The following ABCA13 variants were observed in gnomAD, a reference collection of about 807,000 sequenced individuals.
The protein encoded by ABCA13 is ATP-binding cassette sub-family A member 13.
In ABCA13, 476 loss-of-function variants were observed where a neutral mutation model predicts 478.7. The observed-to-expected ratio is 0.99, with a 90% CI of 0.92 to 1.07. The LOEUF is 1.07. Ranked by LOEUF, ABCA13 falls within the 50% of genes least tolerant of loss-of-function variation. The pLI is 0.00. For missense variants in ABCA13, 6,060 were observed against 5,910.6 expected, an observed-to-expected ratio of 1.03 and a Z score of -0.83; for synonymous variants, 2,252 against 2,158.9, an observed-to-expected ratio of 1.04 and a Z score of -1.20.
chr7:48,386,157 C>G (rs1225563023), intron 35 of ABCA13, among the ~76,000 whole-genome samples: 4 of 152,104 alleles, frequency 2.6e-5, no homozygotes, highest in African/African-American at 9.7e-5. Flanking sequence ...CATACACACA[C>G]AAAATATCTA....
At chr7:48,615,635 G>A (rs556622520) in intron 59 of ABCA13, among the ~76,000 whole-genome samples, 2 of 152,260 alleles carry the variant, frequency 1.3e-5, no homozygotes, top group East Asian at 3.9e-4. Context: ...CTCCCTCCTT[G>A]TAGTGACATT....
chr7:48,459,412 T>A (rs930484017), intron 43 of ABCA13, among the ~76,000 whole-genome samples: 1 of 152,120 alleles, frequency 6.6e-6, no homozygotes, highest in African/African-American at 2.4e-5. Context: ...TGTTGCTGCA[T>A]CTCTCCCTGT....
rs117831313 is a variant in ABCA13 at position 48,501,416 on chromosome 7, C to T, written c.13292-4920C>T. Among the ~76,000 whole-genome samples, 241 of 152,224 alleles carry T rather than the reference C, an allele frequency of 1.6e-3. 1 individual carries two copies. The highest frequency in any genetic ancestry group is 3.1e-3 in the Admixed American group (48 of 15,280). ...CCAAGGCCATGAGGATTCCCTAGAG[C>T]GCCCCATGAGAGGAACTGTAGATCA... On this transcript the variant is annotated intron_variant, in intron 48 of 61. Transcript: ENST00000435803.
chr7:48,221,193 AT>A, intron 4 of ABCA13, 87 bp from the exon 5 acceptor site: 1 of 683,198 alleles, frequency 1.5e-6, no homozygotes. Flanking sequence ...TGGATACTCC[AT>A]TTGACTTTAG....
intron 56 of ABCA13, among the ~76,000 whole-genome samples, chr7:48,582,131 G>T (rs1466786705): frequency 1.3e-5 from 2 of 152,164 alleles, no homozygotes; most frequent in African/African-American, 4.8e-5. Context: ...CAGGAAAACT[G>T]AGACACCAGA....
intron 27 of ABCA13, among the ~76,000 whole-genome samples, chr7:48,334,770 A>G (rs574778919): frequency 2.6e-5 from 4 of 152,344 alleles, no homozygotes; most frequent in African/African-American, 9.6e-5. Flanking sequence ...TAGACTCTCA[A>G]ACCCTCCTTA....
At chr7:48,184,107 GAGTACTC>G (rs1445442624) in intron 1 of ABCA13, among the ~76,000 whole-genome samples, 3 of 152,178 alleles carry the variant, frequency 2.0e-5, no homozygotes, top group African/African-American at 7.2e-5. Flanking sequence ...CACTGACAAT[GAGTACTC>G]TCAGGCTTTT....
rs544349938 is a variant in ABCA13, at chr7:48,538,071, A to G, written c.14354+9726A>G. ...TTAGAAGGCTTTTTTTCAGATACTCATTATCTTATTTTTTTCTTTCTTTCT... is the reference window on the plus strand; with the variant it reads ...TTAGAAGGCTTTTTTTCAGATACTCGTTATCTTATTTTTTTCTTTCTTTCT... On this transcript the variant is annotated intron_variant, in intron 55 of 61. Transcript: ENST00000435803. Among the ~76,000 whole-genome samples, 34 of 147,348 alleles carry G rather than the reference A, an allele frequency of 2.3e-4. No individual in the cohort carries two copies. The South Asian group carries it at 7.2e-3, about 31-fold the overall frequency.
At chr7:48,263,835 A>G (rs1384283591) in intron 15 of ABCA13, among the ~76,000 whole-genome samples, 1 of 151,864 alleles carries the variant, frequency 6.6e-6, no homozygotes, top group Non-Finnish European at 1.5e-5. Context: ...ACAGGCATGC[A>G]ATGTGTAGTA....
intron 23 of ABCA13, among the ~76,000 whole-genome samples, chr7:48,305,593 C>T (rs937415750): frequency 9.9e-5 from 15 of 152,168 alleles, no homozygotes; most frequent in Non-Finnish European, 2.2e-4. Flanking sequence ...GCAGCCTTTC[C>T]TCCCATGCTT....
rs925119363 is a variant in ABCA13, at chr7:48,298,217, G to A, written c.9200-149G>A. 12 of 675,952 alleles carry A rather than the reference G, an allele frequency of 1.8e-5. No homozygotes were observed. The African/African-American group carries it at 1.8e-4, about 10-fold the overall frequency. The allele number at this position is 675,952 out of a possible 1,614,324, so 41.9% of individuals were successfully genotyped here. A position where few individuals can be genotyped will look rare whatever the true frequency, so the allele number is the denominator to read the frequency against. Reference sequence around the variant, plus strand: ...TAAATTATTTAAGTTATTCCCAGGGGAGTAAGGTATGACTTTATTTAGTGA... The same window carrying A: ...TAAATTATTTAAGTTATTCCCAGGGAAGTAAGGTATGACTTTATTTAGTGA... On this transcript the variant is annotated intron_variant, in intron 22 of 61. Transcript: ENST00000435803.
chr7:48,393,681 C>A (rs1414184618), intron 38 of ABCA13, among the ~76,000 whole-genome samples: 2 of 152,110 alleles, frequency 1.3e-5, no homozygotes, highest in African/African-American at 4.8e-5. Context: ...GGAGCTCTAC[C>A]TTGGTGTTTC....
intron 55 of ABCA13, among the ~76,000 whole-genome samples, chr7:48,575,399 G>T (rs1481280696): frequency 1.3e-5 from 2 of 152,166 alleles, no homozygotes; most frequent in Non-Finnish European, 2.9e-5. Context: ...TGTGCTAGCT[G>T]AATTTGAAAG....
At chr7:48,596,539 C>T (rs144205910) in intron 58 of ABCA13, among the ~76,000 whole-genome samples, 28 of 152,224 alleles carry the variant, frequency 1.8e-4, no homozygotes, top group Admixed American at 3.9e-4. Context: ...GGCTAGGTGC[C>T]GTGGCTCATG....
chr7:48,571,948 T>C (rs887958551), intron 55 of ABCA13, among the ~76,000 whole-genome samples: 2 of 151,872 alleles, frequency 1.3e-5, no homozygotes, highest in Non-Finnish European at 2.9e-5. Context: ...GAGGCCGAGG[T>C]GGATGGATCA....
intron 53 of ABCA13, among the ~76,000 whole-genome samples, chr7:48,522,252 CCTGCACCCA>C (rs1228973209): frequency 6.6e-6 from 1 of 152,188 alleles, no homozygotes; most frequent in African/African-American, 2.4e-5. Flanking sequence ...GCCCCTGTCA[CCTGCACCCA>C]CTGCTGGACA....
intron 6 of ABCA13, 69 bp downstream of exon 6, chr7:48,227,494 A>C: frequency 6.6e-7 from 1 of 1,508,108 alleles, no homozygotes; most frequent in Admixed American, 2.1e-5. Flanking sequence ...TAAAATGAGA[A>C]ATAAAAATTA....
chr7:48,556,414 G>A (rs1785831273), intron 55 of ABCA13, among the ~76,000 whole-genome samples: 1 of 151,844 alleles, frequency 6.6e-6, no homozygotes, highest in African/African-American at 2.4e-5. Flanking sequence ...GAAGTCCCCA[G>A]GTATTGTTAT....
intron 38 of ABCA13, among the ~76,000 whole-genome samples, chr7:48,399,816 G>A (rs1817346780): frequency 6.6e-6 from 1 of 152,126 alleles, no homozygotes; most frequent in East Asian, 1.9e-4. Flanking sequence ...AGGTGGGGAA[G>A]GTCACAGTGA....
Sources: allele counts gnomAD v4.1 joint callset (sites outside exome capture counted in the v4.1 genomes callset), GRCh38; gene constraint gnomAD v4.1.1; transcripts MANE v1.5; gene names NCBI Gene and HGNC (gene_info 2026-07-23, HGNC 2026-07-21).